DNER: variants seen among roughly 807,000 people sequenced by gnomAD.
The protein encoded by DNER is delta/notch like EGF repeat containing.
In DNER, 33 loss-of-function variants were observed where a neutral mutation model predicts 78.2. The ratio of observed to expected loss-of-function variants is 0.42; its 90% CI spans 0.32 to 0.56. The LOEUF is 0.56. Ranked by LOEUF, DNER falls within the 20% of genes least tolerant of loss-of-function variation. The probability of loss-of-function intolerance (pLI) is 0.11; values close to 1 mark genes in which losing one functional copy is unlikely to be tolerated. For missense variants in DNER, 918 were observed against 975.3 expected (o/e 0.94, Z 0.78); for synonymous variants, 417 against 384.8 (o/e 1.08, Z -0.98).
intron 5 of DNER, among the ~76,000 whole-genome samples, chr2:229,518,831 T>A (rs1696035273): frequency 6.6e-6 from 1 of 152,212 alleles, no homozygotes; most frequent in South Asian, 2.1e-4. Flanking sequence ...ATACCATATA[T>A]CACTTCGTGC....
At chr2:229,569,651 TAGA>T (rs898678309) in intron 4 of DNER, among the ~76,000 whole-genome samples, 22 of 152,244 alleles carry the variant, frequency 1.4e-4, no homozygotes, top group Non-Finnish European at 2.5e-4. Context: ...TAATACCTAA[TAGA>T]AGGTCAATGC....
chr2:229,491,884 G>T (rs1006821996), intron 6 of DNER, among the ~76,000 whole-genome samples: 1 of 151,804 alleles, frequency 6.6e-6, no homozygotes, highest in African/African-American at 2.4e-5. Context: ...CCAAATGGTT[G>T]CTCAGCCATA....
chr2:229,414,686 T>A (rs1302208434), intron 9 of DNER, among the ~76,000 whole-genome samples: 1 of 152,160 alleles, frequency 6.6e-6, no homozygotes, highest in Non-Finnish European at 1.5e-5. Context: ...AGAGCAAGAG[T>A]GGTGGACACA....
intron 1 of DNER, among the ~76,000 whole-genome samples, chr2:229,661,222 T>TTG (rs149147322): frequency 0.016 from 2,358 of 151,690 alleles, 68 homozygotes; most frequent in African/African-American, 0.054. Flanking sequence ...TAATCCATAA[T>TTG]TGTGTGTGTG....
intron 4 of DNER, among the ~76,000 whole-genome samples, chr2:229,564,052 A>ATCACCCCATCACCATCATCATCATCC (rs1697040516): frequency 8.4e-6 from 1 of 118,884 alleles, no homozygotes; most frequent in African/African-American, 3.3e-5. Flanking sequence ...CATCAACACC[A>ATCACCCCATCACCATCATCATCATCC]TCACCCCATC....
chr2:229,552,673 A>G (rs769061958), intron 4 of DNER, among the ~76,000 whole-genome samples: 16 of 152,150 alleles, frequency 1.1e-4, no homozygotes, highest in Non-Finnish European at 1.8e-4. Flanking sequence ...AGGGCTCCCA[A>G]TCCCTGCGGA....
intron 1 of DNER, among the ~76,000 whole-genome samples, chr2:229,702,942 C>T (rs900035130): frequency 2.7e-5 from 4 of 150,116 alleles, no homozygotes; most frequent in Non-Finnish European, 4.4e-5. Flanking sequence ...AAAAAGAATC[C>T]TGGTTCTACC....
chr2:229,572,428 T>C (rs1035460712), intron 4 of DNER, among the ~76,000 whole-genome samples: 11 of 152,236 alleles, frequency 7.2e-5, no homozygotes, highest in African/African-American at 2.7e-4. Context: ...GTTACATGAA[T>C]GTTAGCAATT....
At chr2:229,405,484 A>T (rs1574828562) in intron 10 of DNER, among the ~76,000 whole-genome samples, 1 of 152,200 alleles carries the variant, frequency 6.6e-6, no homozygotes, top group East Asian at 1.9e-4. Flanking sequence ...AATGGGGAAA[A>T]GTTCTCAACT....
chr2:229,598,311 C>T (rs1697761861), intron 1 of DNER, among the ~76,000 whole-genome samples: 1 of 152,212 alleles, frequency 6.6e-6, no homozygotes, highest in African/African-American at 2.4e-5. Flanking sequence ...TATGGCCACT[C>T]AGCAATTCAT....
rs112777833 is a variant in DNER, at chr2:229,594,444, G to A, written c.277-2556C>T. On this transcript the variant is annotated intron_variant, in intron 1 of 12. Coordinates refer to ENST00000341772, the MANE Select transcript of DNER (RefSeq NM_139072.4). ...TCTACTAAAAATACAAAAATTAGTC[G>A]GGCATGGTGGTGGGCACCTGTAATC... Among the ~76,000 whole-genome samples the A allele has an allele frequency of 2.2e-3, 328 of 152,164 alleles. 1 individual carries two copies. Among genetic ancestry groups the A allele is most frequent in the African/African-American group, 7.5e-3 (310 of 41,512 alleles).
intron 4 of DNER, among the ~76,000 whole-genome samples, chr2:229,568,727 T>A (rs115078281): frequency 0.017 from 2,585 of 152,212 alleles, 74 homozygotes; most frequent in African/African-American, 0.057. Flanking sequence ...TCCTTTTTTT[T>A]AAAATTTTAT....
intron 5 of DNER, among the ~76,000 whole-genome samples, chr2:229,541,646 C>T (rs1696515740): frequency 6.6e-6 from 1 of 151,798 alleles, no homozygotes; most frequent in Admixed American, 6.6e-5. Context: ...TGTGAGTGGC[C>T]TCATCCAATC....
intron 1 of DNER, among the ~76,000 whole-genome samples, chr2:229,640,865 A>C (rs1215701928): frequency 6.6e-6 from 1 of 152,166 alleles, no homozygotes; most frequent in African/African-American, 2.4e-5. Flanking sequence ...CAACACCTGA[A>C]CAACACTGAG....
chr2:229,465,195 G>T (rs2154210969), intron 7 of DNER, among the ~76,000 whole-genome samples: 1 of 152,266 alleles, frequency 6.6e-6, no homozygotes, highest in East Asian at 1.9e-4. Context: ...GCCCGTCAAT[G>T]ATAGACTAGA....
intron 1 of DNER, among the ~76,000 whole-genome samples, chr2:229,707,399 A>G (rs983617542): frequency 6.6e-6 from 1 of 152,184 alleles, no homozygotes; most frequent in Non-Finnish European, 1.5e-5. Context: ...ACTGCAAAGC[A>G]TTTATTGAAA....
chr2:229,658,764 T>C (rs566522342), intron 1 of DNER, among the ~76,000 whole-genome samples: 1 of 152,328 alleles, frequency 6.6e-6, no homozygotes, highest in African/African-American at 2.4e-5. Context: ...TGATGCCCTA[T>C]TCTTCTAGAT....
At chr2:229,376,367 C>T (rs1171998002) in intron 11 of DNER, among the ~76,000 whole-genome samples, 1 of 152,074 alleles carries the variant, frequency 6.6e-6, no homozygotes, top group African/African-American at 2.4e-5. Flanking sequence ...GGAATGAGCC[C>T]TCGTCAGACA....
At chr2:229,462,617 T>C (rs1293320118) in intron 7 of DNER, among the ~76,000 whole-genome samples, 1 of 152,106 alleles carries the variant, frequency 6.6e-6, no homozygotes, top group Non-Finnish European at 1.5e-5. Flanking sequence ...ATTATAACAG[T>C]TTTCTCTTAT....
Sources: gnomAD v4.1 joint callset for allele counts (sites outside exome capture counted in the v4.1 genomes callset) on GRCh38, gnomAD v4.1.1 for gene constraint, MANE v1.5 for transcripts, NCBI Gene and HGNC (gene_info 2026-07-23, HGNC 2026-07-21) for gene names.